DLG2: variants seen among roughly 807,000 people sequenced by gnomAD.
DLG2 encodes the protein disks large homolog 2.
DLG2 carries 45 observed loss-of-function variants against 132.5 expected under a neutral mutation model. The ratio of observed to expected loss-of-function variants is 0.34; its 90% CI spans 0.27 to 0.44. DLG2 has a LOEUF of 0.44. Ranked by LOEUF, DLG2 falls within the 20% of genes least tolerant of loss-of-function variation. DLG2 has a pLI of 1.00. For missense variants in DLG2, 1,045 were observed against 1,196.9 expected (o/e 0.87, Z 1.87); for synonymous variants, 424 against 419.6 (o/e 1.01, Z -0.13).
At chr11:84,976,736 A>G (rs1245195106) in intron 6 of DLG2, among the ~76,000 whole-genome samples, 1 of 152,106 alleles carries the variant, frequency 6.6e-6, no homozygotes, top group Non-Finnish European at 1.5e-5. Flanking sequence ...TTAAGATACA[A>G]TTTTACTTAT....
intron 8 of DLG2, among the ~76,000 whole-genome samples, chr11:84,226,758 T>C (rs2097001709): frequency 6.6e-6 from 1 of 152,094 alleles, no homozygotes; most frequent in Admixed American, 6.6e-5. Context: ...GTTACAGATA[T>C]ATAAACAAAT....
At chr11:84,326,731 C>G (rs992292710) in intron 7 of DLG2, among the ~76,000 whole-genome samples, 7 of 152,092 alleles carry the variant, frequency 4.6e-5, no homozygotes, top group Non-Finnish European at 8.8e-5. Context: ...ATGTTAGGTC[C>G]TTTTCATCTA....
At chr11:85,002,281 GGAAA>G in intron 6 of DLG2, among the ~76,000 whole-genome samples, 1 of 152,138 alleles carries the variant, frequency 6.6e-6, no homozygotes, top group South Asian at 2.1e-4. Context: ...CTAGTCTGTG[GGAAA>G]GAAACTTGGG....
intron 8 of DLG2, among the ~76,000 whole-genome samples, chr11:84,197,129 G>C (rs914625680): frequency 1.0e-4 from 15 of 149,530 alleles, no homozygotes; most frequent in Non-Finnish European, 1.3e-4. Flanking sequence ...TTAAATAGAA[G>C]GCTTTGAACC....
intron 3 of DLG2, among the ~76,000 whole-genome samples, chr11:85,500,248 T>A (rs1218004296): frequency 1.3e-5 from 2 of 151,716 alleles, no homozygotes; most frequent in African/African-American, 4.9e-5. Context: ...TTCAGCAAAG[T>A]CTAAAGTTAC....
intron 6 of DLG2, among the ~76,000 whole-genome samples, chr11:84,658,165 T>A (rs979246974): frequency 6.6e-6 from 1 of 152,116 alleles, no homozygotes; most frequent in Non-Finnish European, 1.5e-5. Context: ...TACACGATGA[T>A]TTAATTTTGA....
intron 2 of DLG2, among the ~76,000 whole-genome samples, chr11:85,605,010 C>T (rs1180064220): frequency 6.6e-6 from 1 of 152,092 alleles, no homozygotes; most frequent in East Asian, 1.9e-4. Flanking sequence ...ATTAGGAAAA[C>T]TCAGATCAAA....
intron 4 of DLG2, among the ~76,000 whole-genome samples, chr11:85,159,269 C>T (rs2077846163): frequency 6.6e-6 from 1 of 152,104 alleles, no homozygotes; most frequent in Non-Finnish European, 1.5e-5. Context: ...TACAGTGTAT[C>T]CGGACTCATC....
chr11:85,199,942 CTTT>C (rs749722409), intron 4 of DLG2, among the ~76,000 whole-genome samples: 1 of 140,952 alleles, frequency 7.1e-6, no homozygotes. Flanking sequence ...CCAGGAATTA[CTTT>C]TTTTTTTTTT....
Position 84,243,320 on chromosome 11 carries a change from T to A in DLG2, c.573+7918A>T, listed in dbSNP as rs374750332. Among the ~76,000 whole-genome samples the A allele has an allele frequency of 6.6e-5, 10 of 152,324 alleles. No individual in the cohort carries two copies. The East Asian group carries it at 1.9e-3, about 29-fold the overall frequency. ...AATTTAAATAACCATATGTGACTTA[T>A]AACTACTTTTTTGGAAAGCAAAGGT... On this transcript the variant is annotated intron_variant, in intron 8 of 27. Coordinates refer to ENST00000376104, the MANE Select transcript of DLG2 (RefSeq NM_001142699.3).
intron 21 of DLG2, among the ~76,000 whole-genome samples, chr11:83,508,491 C>A (rs1158081825): frequency 6.7e-6 from 1 of 149,128 alleles, no homozygotes; most frequent in African/African-American, 2.5e-5. Flanking sequence ...GATCCACCTG[C>A]CTTGGCCTCC....
intron 10 of DLG2, among the ~76,000 whole-genome samples, chr11:84,091,829 C>A (rs1256809777): frequency 6.6e-6 from 1 of 152,118 alleles, no homozygotes; most frequent in East Asian, 1.9e-4. Context: ...CTCTTATAAG[C>A]TCATGTAGCA....
intron 11 of DLG2, among the ~76,000 whole-genome samples, chr11:84,058,219 T>C (rs1159986909): frequency 6.6e-6 from 1 of 152,066 alleles, no homozygotes; most frequent in Non-Finnish European, 1.5e-5. Context: ...ACTCAAAGAG[T>C]ACAGTGATTA....
At chr11:85,240,606 C>T (rs2075827628) in intron 4 of DLG2, among the ~76,000 whole-genome samples, 1 of 151,742 alleles carries the variant, frequency 6.6e-6, no homozygotes, top group African/African-American at 2.4e-5. Flanking sequence ...TTGATGGAAG[C>T]TGAGGATCCA....
chr11:84,951,245 T>A (rs1473904751), intron 6 of DLG2, among the ~76,000 whole-genome samples: 1 of 152,254 alleles, frequency 6.6e-6, no homozygotes, highest in African/African-American at 2.4e-5. Context: ...AAAGCATTAT[T>A]CTAATCTTTA....
At chr11:83,607,780 G>C (rs1324091858) in intron 19 of DLG2, among the ~76,000 whole-genome samples, 1 of 152,150 alleles carries the variant, frequency 6.6e-6, no homozygotes, top group Non-Finnish European at 1.5e-5. Context: ...AATACATAAA[G>C]TAATAAAAAG....
intron 10 of DLG2, among the ~76,000 whole-genome samples, chr11:84,084,658 C>T (rs1183798758): frequency 6.6e-6 from 1 of 152,168 alleles, no homozygotes; most frequent in Non-Finnish European, 1.5e-5. Context: ...CCTTGGGTTT[C>T]AGTGTCTGTC....
intron 6 of DLG2, among the ~76,000 whole-genome samples, chr11:84,848,743 G>T (rs1040697767): frequency 6.6e-6 from 1 of 152,150 alleles, no homozygotes; most frequent in Non-Finnish European, 1.5e-5. Flanking sequence ...GAGACTTAAG[G>T]CTTTGGGGTA....
At chr11:83,964,736 C>T (rs2089782960) in intron 13 of DLG2, among the ~76,000 whole-genome samples, 1 of 151,994 alleles carries the variant, frequency 6.6e-6, no homozygotes, top group African/African-American at 2.4e-5. Flanking sequence ...AGCATAGTCT[C>T]ATTAGTTGTT....
Sources: gnomAD v4.1 joint callset for allele counts (sites outside exome capture counted in the v4.1 genomes callset) on GRCh38, gnomAD v4.1.1 for gene constraint, MANE v1.5 for transcripts, NCBI Gene and HGNC (gene_info 2026-07-23, HGNC 2026-07-21) for gene names.